Variants in MYO1D observed in about 807,000 individuals in gnomAD.
The protein encoded by MYO1D is unconventional myosin-Id.
In MYO1D, 83 loss-of-function variants were observed where a neutral mutation model predicts 122.0. That is an observed-to-expected ratio of 0.68 (90% confidence interval 0.57 to 0.82). MYO1D has a LOEUF of 0.82. Among genes scored for constraint, MYO1D ranks in the 40% least tolerant of loss-of-function variants. The probability of loss-of-function intolerance (pLI) is 0.00; values close to 1 mark genes in which losing one functional copy is unlikely to be tolerated. For synonymous variants in MYO1D, 464 were observed against 446.9 expected (o/e 1.04, Z -0.48); for missense variants, 1,157 against 1,269.5 (o/e 0.91, Z 1.35).
intron 21 of MYO1D, among the ~76,000 whole-genome samples, chr17:32,566,851 A>C (rs1055723090): frequency 1.7e-5 from 1 of 59,804 alleles, no homozygotes; most frequent in Non-Finnish European, 3.4e-5. Flanking sequence ...TTTTAACCAA[A>C]TCAGGCAGGC....
chr17:32,663,222 GCTA>G (rs1356821238), intron 16 of MYO1D, among the ~76,000 whole-genome samples: 5 of 152,124 alleles, frequency 3.3e-5, no homozygotes, highest in Admixed American at 6.5e-5. Context: ...CGGCAATTGT[GCTA>G]CTTTCTTTTT....
At chr17:32,811,775 C>T (rs959218595) in intron 1 of MYO1D, among the ~76,000 whole-genome samples, 1 of 152,016 alleles carries the variant, frequency 6.6e-6, no homozygotes, top group Non-Finnish European at 1.5e-5. Flanking sequence ...TTCCAGTCCT[C>T]TTGTCATTGA....
chr17:32,662,965 G>C (rs1014467579), intron 16 of MYO1D, among the ~76,000 whole-genome samples: 1 of 146,162 alleles, frequency 6.8e-6, no homozygotes, highest in South Asian at 2.2e-4. Flanking sequence ...TCACCCAGGC[G>C]AGAGTGCAGT....
rs548506752 is a variant in MYO1D, at chr17:32,719,497, C to T, written c.1913+1526G>A. Reference sequence around the variant, plus strand: ...CCCCGAGTAGCTGGGACTACAGGCGCCCGCCACCACGCCCGGCTAATTTTT... The same window carrying T: ...CCCCGAGTAGCTGGGACTACAGGCGTCCGCCACCACGCCCGGCTAATTTTT... On this transcript the variant is annotated intron_variant, in intron 15 of 21. Coordinates refer to ENST00000318217, the MANE Select transcript of MYO1D (RefSeq NM_015194.3). Among the ~76,000 whole-genome samples the T allele has an allele frequency of 4.6e-5, 7 of 152,194 alleles. No individual in the cohort carries two copies. In the South Asian group the frequency reaches 1.4e-3, roughly 32 times the overall value.
chr17:32,573,035 C>G (rs551649995), intron 21 of MYO1D, among the ~76,000 whole-genome samples: 1 of 151,672 alleles, frequency 6.6e-6, no homozygotes, highest in South Asian at 2.1e-4. Context: ...TGCCTGTATC[C>G]CAATCACCTT....
chr17:32,599,948 T>C (rs1046599454), intron 21 of MYO1D, among the ~76,000 whole-genome samples: 64 of 152,350 alleles, frequency 4.2e-4, no homozygotes, highest in African/African-American at 1.4e-3. Flanking sequence ...CCACTGTGCC[T>C]GGCCATGAAA....
At chr17:32,681,611 G>A (rs2088918496) in intron 16 of MYO1D, among the ~76,000 whole-genome samples, 1 of 149,426 alleles carries the variant, frequency 6.7e-6, no homozygotes, top group South Asian at 2.1e-4. Flanking sequence ...ACTGTGGTCT[G>A]AGAGAAGTTT....
Position 32,730,363 on chromosome 17 carries a change from C to T in MYO1D, c.1746+7890G>A, listed in dbSNP as rs554788864. 5.9e-5 allele frequency among the ~76,000 whole-genome samples: 9 copies of T among 152,136 alleles called. No homozygotes were observed. The South Asian group carries it at 1.9e-3, about 32-fold the overall frequency. The stretch of plus-strand genomic sequence containing the variant: ...TAACTCTAATCTGTATTTTCCATTC[C>T]ACAAAATATTATTTTACAGAGTTCA... On this transcript the variant is annotated intron_variant, in intron 14 of 21. Coordinates refer to ENST00000318217, the MANE Select transcript of MYO1D (RefSeq NM_015194.3).
chr17:32,603,203 ATGCATATGCTAGC>A (rs1332857396), intron 21 of MYO1D, among the ~76,000 whole-genome samples: 1 of 152,204 alleles, frequency 6.6e-6, no homozygotes, highest in Non-Finnish European at 1.5e-5. Context: ...GTACCTCAGC[ATGCATATGCTAGC>A]TAGGAAAAGA....
chr17:32,776,131 T>G, intron 3 of MYO1D, 102 bp from the exon 4 acceptor site: 1 of 1,004,826 alleles, frequency 1.0e-6, no homozygotes, highest in Non-Finnish European at 1.5e-6. Context: ...TATACAAAGA[T>G]GCTAACTCCA....
chr17:32,674,745 G>C (rs866500141), intron 16 of MYO1D, among the ~76,000 whole-genome samples: 3 of 152,126 alleles, frequency 2.0e-5, no homozygotes, highest in Middle Eastern at 3.2e-3. Flanking sequence ...CATGTTTCCA[G>C]TTTTTGCTAG....
intron 2 of MYO1D, among the ~76,000 whole-genome samples, chr17:32,780,096 C>G (rs1025112921): frequency 2.0e-5 from 3 of 152,098 alleles, no homozygotes; most frequent in Non-Finnish European, 4.4e-5. Context: ...TATCTCCCCC[C>G]TTGTTGGGCT....
At chr17:32,814,663 AT>A (rs2090599085) in intron 1 of MYO1D, among the ~76,000 whole-genome samples, 1 of 152,254 alleles carries the variant, frequency 6.6e-6, no homozygotes, top group South Asian at 2.1e-4. Flanking sequence ...AGACAAATTA[AT>A]CATTGTTGAA....
rs373639076 is a variant in MYO1D, at chr17:32,738,241, G to T, written c.1746+12C>A. On this transcript the variant is annotated intron_variant, in intron 14 of 21. Coordinates refer to ENST00000318217, the MANE Select transcript of MYO1D (RefSeq NM_015194.3). ...TGAGTTAAAATGGATATTTAGAAAAGAAAATAATTACCTTTGATGCAAGGT... is the reference window on the plus strand; with the variant it reads ...TGAGTTAAAATGGATATTTAGAAAATAAAATAATTACCTTTGATGCAAGGT... The T allele has an allele frequency of 4.1e-5, 64 of 1,575,872 alleles. No homozygotes were observed. Among genetic ancestry groups the T allele is most frequent in the Non-Finnish European group, 5.4e-5 (63 of 1,161,050 alleles).
intron 4 of MYO1D, 31 bp from the exon 5 acceptor site, chr17:32,772,873 C>A (rs3826460): frequency 1.3e-6 from 2 of 1,586,462 alleles, no homozygotes; most frequent in Non-Finnish European, 1.7e-6. Context: ...ATGGTTAACC[C>A]GAAAATGTGC....
intron 21 of MYO1D, among the ~76,000 whole-genome samples, chr17:32,538,800 C>T (rs954908488): frequency 2.0e-5 from 3 of 152,134 alleles, no homozygotes; most frequent in Admixed American, 1.3e-4. Context: ...TTTGCAGGAA[C>T]ATGGGTGGAG....
intron 17 of MYO1D, among the ~76,000 whole-genome samples, chr17:32,657,408 T>G (rs1397553642): frequency 3.9e-5 from 6 of 152,218 alleles, no homozygotes; most frequent in Non-Finnish European, 8.8e-5. Flanking sequence ...GTTTTTACAT[T>G]TTTACATGTT....
At chr17:32,634,447 T>C (rs2088069201) in intron 20 of MYO1D, among the ~76,000 whole-genome samples, 1 of 152,232 alleles carries the variant, frequency 6.6e-6, no homozygotes, top group Non-Finnish European at 1.5e-5. Context: ...CCATGGGAGA[T>C]GGCTGGTGTG....
chr17:32,826,999 A>G (rs1196016686), intron 1 of MYO1D, among the ~76,000 whole-genome samples: 2 of 152,230 alleles, frequency 1.3e-5, no homozygotes. Context: ...CAAAATATTA[A>G]AAATAGATTT....
Sources: gnomAD v4.1 joint callset for allele counts (sites outside exome capture counted in the v4.1 genomes callset) on GRCh38, gnomAD v4.1.1 for gene constraint, MANE v1.5 for transcripts, NCBI Gene and HGNC (gene_info 2026-07-23, HGNC 2026-07-21) for gene names.